NCAPD3: variants seen among roughly 807,000 people sequenced by gnomAD.
NCAPD3 encodes condensin-2 complex subunit D3.
A neutral mutation model predicts 182.9 loss-of-function variants in NCAPD3; 105 were observed. The observed-to-expected ratio is 0.57, with a 90% CI of 0.49 to 0.68. NCAPD3 has a LOEUF of 0.68. Ranked by LOEUF, NCAPD3 falls within the 30% of genes least tolerant of loss-of-function variation. The pLI is 0.00. For missense variants in NCAPD3, 1,944 were observed against 1,837.0 expected (o/e 1.06, Z -1.07); for synonymous variants, 815 against 679.9 (o/e 1.20, Z -3.09).
intron 26 of NCAPD3, 105 bp from the exon 27 acceptor site, chr11:134,168,300 G>T: frequency 1.4e-6 from 2 of 1,426,630 alleles, no homozygotes; most frequent in South Asian, 1.2e-5. Context: ...CTGTCAGGGG[G>T]TCTGCAAGGG....
At chr11:134,223,563 G>C in intron 1 of NCAPD3, 1 of 691,022 alleles carries the variant, frequency 1.4e-6, no homozygotes, top group Non-Finnish European at 2.7e-6. Context: ...GGTAAGAATA[G>C]ATAGGTGCAC....
At chr11:134,160,351 C>T (rs1274886753) in intron 28 of NCAPD3, among the ~76,000 whole-genome samples, 2 of 152,126 alleles carry the variant, frequency 1.3e-5, no homozygotes, top group Non-Finnish European at 2.9e-5. Context: ...ACTGGCCACA[C>T]AAGCAGAAAA....
In NCAPD3 at chr11:134,152,156, C is replaced by G. The variant is rs139607672; in HGVS notation, c.*788G>C. ...GAAGAGACTCAAGCTGTTCCCCCAT[C>G]ATGGGAGCAGCCCTTAACAGAGGGC... On this transcript the variant is annotated 3_prime_UTR_variant, in exon 35 of 35. Coordinates refer to ENST00000534548, the MANE Select transcript of NCAPD3 (RefSeq NM_015261.3). Among the ~76,000 whole-genome samples the G allele has an allele frequency of 1.3e-5, 2 of 152,382 alleles. No individual in the cohort carries two copies. The highest frequency in any genetic ancestry group is 4.8e-5 in the African/African-American group (2 of 41,590).
At chr11:134,174,825 A>T (rs1050217308) in intron 24 of NCAPD3, among the ~76,000 whole-genome samples, 2 of 152,240 alleles carry the variant, frequency 1.3e-5, no homozygotes. Context: ...TACATGTATC[A>T]AAACATCACT....
At chr11:134,188,556 T>G (rs916191866) in intron 16 of NCAPD3, among the ~76,000 whole-genome samples, 1 of 152,204 alleles carries the variant, frequency 6.6e-6, no homozygotes, top group East Asian at 1.9e-4. Context: ...GCTTCATTCC[T>G]GAAGTCAGTG....
At chr11:134,156,817 C>T in intron 32 of NCAPD3, 1 of 478,434 alleles carries the variant, frequency 2.1e-6, no homozygotes, top group Non-Finnish European at 3.7e-6. Context: ...AATGTAACGA[C>T]ACTGGAACAA....
intron 13 of NCAPD3, among the ~76,000 whole-genome samples, chr11:134,196,487 T>C (rs1944630633): frequency 6.6e-6 from 1 of 151,412 alleles, no homozygotes; most frequent in African/African-American, 2.4e-5. Context: ...CTACAAAAAA[T>C]ACAAAAAAAT....
At chr11:134,199,422 C>T (rs1944702908) in intron 13 of NCAPD3, among the ~76,000 whole-genome samples, 1 of 152,194 alleles carries the variant, frequency 6.6e-6, no homozygotes, top group African/African-American at 2.4e-5. Context: ...CCATTGTTTT[C>T]CTCCCACATA....
rs116033313 is a variant in NCAPD3 at position 134,160,451 on chromosome 11, G to A, written c.3685-377C>T. Reference sequence around the variant, plus strand: ...AATCTCTCCCAGGTTCCCAATGGGAGAAAGACATGCTCAGACACAGCCTCT... The same window carrying A: ...AATCTCTCCCAGGTTCCCAATGGGAAAAAGACATGCTCAGACACAGCCTCT... On this transcript the variant is annotated intron_variant, in intron 28 of 34. Transcript: ENST00000534548. Among the ~76,000 whole-genome samples the A allele has an allele frequency of 7.6e-3, 1,162 of 152,224 alleles. 9 individuals carry two copies. The highest frequency in any genetic ancestry group is 0.026 in the African/African-American group (1,069 of 41,524).
intron 19 of NCAPD3, among the ~76,000 whole-genome samples, chr11:134,183,710 G>C (rs1289425762): frequency 6.6e-6 from 1 of 152,164 alleles, no homozygotes; most frequent in East Asian, 1.9e-4. Flanking sequence ...CATTTCATAA[G>C]AAATAGGTCA....
chr11:134,164,602 G>T (rs1236757870), intron 27 of NCAPD3, among the ~76,000 whole-genome samples: 1 of 152,058 alleles, frequency 6.6e-6, no homozygotes, highest in Non-Finnish European at 1.5e-5. Context: ...TGAGCTTAGG[G>T]GAGCTGCACA....
chr11:134,161,899 C>A lies in NCAPD3; in HGVS notation c.3574-8G>T. 1 of 1,418,342 alleles carries A rather than the reference C, an allele frequency of 7.1e-7. No individual in the cohort carries two copies. Among genetic ancestry groups the A allele is most frequent in the Non-Finnish European group, 9.8e-7 (1 of 1,020,880 alleles). 87.9% of individuals were successfully genotyped at this position (1,418,342 alleles called of 1,614,324 possible). A position where few individuals can be genotyped will look rare whatever the true frequency, so the allele number is the denominator to read the frequency against. ...GAAATTCCTCTTCTGAACCTGGTAA[C>A]ACAAACAAAGACATGTTTTAGATGT... is the stretch of plus-strand genomic sequence containing the variant. On this transcript the variant is annotated splice_polypyrimidine_tract_variant and splice_region_variant and intron_variant, in intron 27 of 34. Coordinates refer to ENST00000534548, the MANE Select transcript of NCAPD3 (RefSeq NM_015261.3).
In NCAPD3 at chr11:134,203,225, G is replaced by T. The variant is rs374465638; in HGVS notation, c.1469-27C>A. Reference sequence around the variant, plus strand: ...TAAAAACAAGAAGAAAGATAAGAAGGAAGAAGTCAGTATCATAAACTGAGT... The same window carrying T: ...TAAAAACAAGAAGAAAGATAAGAAGTAAGAAGTCAGTATCATAAACTGAGT... On this transcript the variant is annotated intron_variant, in intron 11 of 34. Transcript: ENST00000534548. 8.5e-5 allele frequency: 127 copies of T among 1,498,762 alleles called. No homozygotes were observed. In the African/African-American group the frequency reaches 1.5e-3, roughly 18 times the overall value. 92.8% of individuals were successfully genotyped at this position (1,498,762 alleles called of 1,614,324 possible).
At chr11:134,219,628 T>C (rs1938155322) in intron 2 of NCAPD3, among the ~76,000 whole-genome samples, 1 of 152,244 alleles carries the variant, frequency 6.6e-6, no homozygotes. Context: ...GATGTTAATA[T>C]CCAATTAGCT....
At position 134,152,333 on chromosome 11, in the gene NCAPD3, A is replaced by AAGAT. The variant is rs1289849806; in HGVS notation, c.*607_*610dup. 11 of 152,344 alleles carry AAGAT rather than the reference A, an allele frequency of 7.2e-5. No individual in the cohort carries two copies. The highest frequency in any genetic ancestry group is 2.2e-4 in the African/African-American group (9 of 41,576). 9.4% of individuals were successfully genotyped at this position (152,344 alleles called of 1,614,324 possible). ...GACAATCATCTTTTTTCTAATAGGG[A>AAGAT]AGATTTGGTTTCATTCCTCTAACAA... On this transcript the variant is annotated 3_prime_UTR_variant, in exon 35 of 35. Transcript: ENST00000534548.
At chr11:134,186,382 TTG>T (rs759242868) in intron 16 of NCAPD3, among the ~76,000 whole-genome samples, 17 of 151,924 alleles carry the variant, frequency 1.1e-4, no homozygotes, top group Non-Finnish European at 1.9e-4. Context: ...CTCTCTCTCT[TTG>T]TCTGTCTTTC....
chr11:134,165,347 CAT>C (rs559185743), intron 27 of NCAPD3, among the ~76,000 whole-genome samples: 13 of 149,226 alleles, frequency 8.7e-5, no homozygotes, highest in Admixed American at 2.0e-4. Flanking sequence ...GGGGCACACT[CAT>C]GAGCTTGGGA....
At chr11:134,156,916 A>C in intron 32 of NCAPD3, 102 bp downstream of exon 32, 1 of 1,040,442 alleles carries the variant, frequency 9.6e-7, no homozygotes, top group South Asian at 1.5e-5. Flanking sequence ...TGACCATCAG[A>C]ACTATCCTGC....
intron 28 of NCAPD3, 41 bp from the exon 29 acceptor site, chr11:134,160,115 T>A (rs1359759209): frequency 1.4e-5 from 22 of 1,599,030 alleles, no homozygotes; most frequent in Admixed American, 3.4e-5. Context: ...TTTTCTTGAA[T>A]AAAAACGTAA....
Sources: allele counts gnomAD v4.1 joint callset (sites outside exome capture counted in the v4.1 genomes callset), GRCh38; gene constraint gnomAD v4.1.1; transcripts MANE v1.5; gene names NCBI Gene and HGNC (gene_info 2026-07-23, HGNC 2026-07-21).